Variants in CYP3A43 observed in about 807,000 individuals in gnomAD.
CYP3A43 encodes cytochrome P450 family 3 subfamily A member 43.
CYP3A43 carries 45 observed loss-of-function variants against 58.0 expected under a neutral mutation model. That is an observed-to-expected ratio of 0.78 (90% CI 0.61 to 0.99). The LOEUF is 0.99. CYP3A43 is among the 50% of genes least tolerant of loss of function. The pLI, the probability that CYP3A43 is intolerant of heterozygous loss-of-function variation, is 0.00. For synonymous variants in CYP3A43, 191 were observed against 201.4 expected (o/e 0.95, Z 0.44); for missense variants, 593 against 591.9 (o/e 1.00, Z -0.02).
Position 99,855,467 on chromosome 7 carries a change from C to T in CYP3A43, c.671-124C>T, listed in dbSNP as rs991548490. On this transcript the variant is annotated intron_variant, in intron 7 of 12. Coordinates refer to ENST00000354829, the MANE Select transcript of CYP3A43 (RefSeq NM_057095.3). ...TACAGGAAGAGGGGCAAAGGTCATA[C>T]AGGAAATGGATCCTGGTTGAGAACC... The T allele has an allele frequency of 7.1e-6, 9 of 1,263,890 alleles. No individual in the cohort carries two copies. The East Asian group carries it at 2.4e-4, about 33-fold the overall frequency. The allele number at this position is 1,263,890 out of a possible 1,614,324, so 78.3% of individuals were successfully genotyped here. A position where few individuals can be genotyped will look rare whatever the true frequency, so the allele number is the denominator to read the frequency against.
At position 99,859,483 on chromosome 7, in the gene CYP3A43, A is replaced by G. The variant is rs533990416; in HGVS notation, c.866-347A>G. ...GTTACTCCACGTTTACTTATAGATAAAGAACTTCTATGATTATCCAAGGGA... is the reference window on the plus strand; with the variant it reads ...GTTACTCCACGTTTACTTATAGATAGAGAACTTCTATGATTATCCAAGGGA... On this transcript the variant is annotated intron_variant, in intron 9 of 12. Transcript: ENST00000354829. 7.9e-5 allele frequency among the ~76,000 whole-genome samples: 12 copies of G among 152,326 alleles called. No individual in the cohort carries two copies. The South Asian group carries it at 2.5e-3, about 32-fold the overall frequency.
Position 99,851,416 on chromosome 7 carries a change from C to T in CYP3A43, c.670+1722C>T, listed in dbSNP as rs116433771. Among the ~76,000 whole-genome samples, 383 of 152,242 alleles carry T rather than the reference C, an allele frequency of 2.5e-3. 2 individuals are homozygous for T. The highest frequency in any genetic ancestry group is 7.5e-3 in the African/African-American group (311 of 41,530). On this transcript the variant is annotated intron_variant, in intron 7 of 12. Transcript: ENST00000354829. The stretch of plus-strand genomic sequence containing the variant: ...TCCCACAACAGCTGCACCATTTTAC[C>T]AGGAGCATATAATGGTTCTAATTTC...
chr7:99,844,680 C>T (rs759346800), intron 4 of CYP3A43, among the ~76,000 whole-genome samples: 2 of 152,008 alleles, frequency 1.3e-5, no homozygotes, highest in Admixed American at 6.6e-5. Context: ...TTCAGTGAGG[C>T]CAATTTATCC....
intron 11 of CYP3A43, 96 bp downstream of exon 11, chr7:99,861,935 C>A: frequency 9.0e-7 from 1 of 1,115,862 alleles, no homozygotes; most frequent in Non-Finnish European, 1.3e-6. Context: ...TGAATATGTG[C>A]CTTTTCATTT....
intron 3 of CYP3A43, among the ~76,000 whole-genome samples, chr7:99,843,008 C>G (rs1375247813): frequency 6.6e-6 from 1 of 152,208 alleles, no homozygotes; most frequent in East Asian, 1.9e-4. Context: ...TCCCTCCACC[C>G]AATCCAAGTT....
intron 3 of CYP3A43, among the ~76,000 whole-genome samples, chr7:99,840,485 G>A (rs911531290): frequency 1.3e-5 from 2 of 152,142 alleles, no homozygotes; most frequent in Non-Finnish European, 2.9e-5. Flanking sequence ...TATATCTCAT[G>A]TAAAATGTAG....
intron 4 of CYP3A43, among the ~76,000 whole-genome samples, chr7:99,845,817 C>T (rs1160115006): frequency 6.6e-6 from 1 of 151,680 alleles, no homozygotes; most frequent in Non-Finnish European, 1.5e-5. Context: ...GCTCTGTAGC[C>T]CAGGCTGGAG....
At position 99,849,544 on chromosome 7, in the gene CYP3A43, A is replaced by C; in HGVS notation, c.522-2A>C. ...TAATTTTCCATGTTTTACTCTACTC[A>C]GTTTCTTTGGGGCCTACACCATGGA... On this transcript the variant is annotated splice_acceptor_variant, in intron 6 of 12. Transcript: ENST00000354829. LOFTEE classifies it high-confidence loss of function. 2 of 1,592,164 alleles carry C rather than the reference A, an allele frequency of 1.3e-6. No individual in the cohort carries two copies. The highest frequency in any genetic ancestry group is 1.7e-6 in the Non-Finnish European group (2 of 1,174,578).
In CYP3A43 at chr7:99,863,573, C is replaced by T; in HGVS notation, c.1290C>T (p.Tyr430=). 2 of 1,613,170 alleles carry T rather than the reference C, an allele frequency of 1.2e-6. No homozygotes were observed. Among genetic ancestry groups the T allele is most frequent in the South Asian group, 1.1e-5 (1 of 90,812 alleles). The change falls in exon 12 of 13, where the codon TAC becomes TAT. Residue 430 remains tyrosine (Y), a synonymous_variant. Transcript: ENST00000354829. ...AGAACAAGGACAGCATAGATCTTTA[C>T]AGATACATACCTTTTGGAGCTGGAC... ...SKKNKDSIDL[Y]RYIPFGAGPR...
At chr7:99,853,256 GA>G in intron 7 of CYP3A43, among the ~76,000 whole-genome samples, 1 of 152,236 alleles carries the variant, frequency 6.6e-6, no homozygotes, top group African/African-American at 2.4e-5. Flanking sequence ...TTTGATTACT[GA>G]TTCAATGCCT....
At position 99,863,758 on chromosome 7, in the gene CYP3A43, C is replaced by T. The variant is rs899942338; in HGVS notation, c.1416+59C>T. 2.2e-6 allele frequency: 3 copies of T among 1,337,994 alleles called. No individual in the cohort carries two copies. The African/African-American group carries it at 4.5e-5, about 20-fold the overall frequency. 82.9% of individuals were successfully genotyped at this position (1,337,994 alleles called of 1,614,324 possible). A position where few individuals can be genotyped will look rare whatever the true frequency, so the allele number is the denominator to read the frequency against. ...GGAGTTTTTTAAACTGAGAAGTCTACATTTTTTAAAAATTATTGTTCATTT... is the reference window on the plus strand; with the variant it reads ...GGAGTTTTTTAAACTGAGAAGTCTATATTTTTTAAAAATTATTGTTCATTT... On this transcript the variant is annotated intron_variant, in intron 12 of 12. Transcript: ENST00000354829.
In CYP3A43 at chr7:99,833,789, C is replaced by A. The variant is rs181767485; in HGVS notation, c.72-2664C>A. Among the ~76,000 whole-genome samples the A allele has an allele frequency of 6.3e-4, 96 of 152,340 alleles. No individual in the cohort carries two copies. The East Asian group carries it at 0.018, about 28-fold the overall frequency. On this transcript the variant is annotated intron_variant, in intron 1 of 12. Transcript: ENST00000354829. The stretch of plus-strand genomic sequence containing the variant: ...AGCTGATATCTGGTTAATGCCACAA[C>A]TGTGCGGTAGCGTGTCAGGCTACTA...
At chr7:99,852,087 C>G (rs554923527) in intron 7 of CYP3A43, among the ~76,000 whole-genome samples, 4 of 152,324 alleles carry the variant, frequency 2.6e-5, no homozygotes, top group South Asian at 2.1e-4. Flanking sequence ...GATCATGACA[C>G]CTTCCTCAAA....
chr7:99,837,459 T>C (rs1030019054), intron 2 of CYP3A43, among the ~76,000 whole-genome samples: 9 of 152,214 alleles, frequency 5.9e-5, no homozygotes, highest in African/African-American at 2.2e-4. Flanking sequence ...ACAGTTGTGC[T>C]CCAGCTTCTT....
chr7:99,846,068 C>T (rs1010102269), intron 4 of CYP3A43, among the ~76,000 whole-genome samples: 6 of 152,162 alleles, frequency 3.9e-5, no homozygotes, highest in African/African-American at 4.8e-5. Flanking sequence ...TGAGCCACCA[C>T]GCCTGGCCCC....
At chr7:99,858,590 A>G (rs1199449929) in intron 9 of CYP3A43, among the ~76,000 whole-genome samples, 1 of 151,938 alleles carries the variant, frequency 6.6e-6, no homozygotes, top group African/African-American at 2.4e-5. Context: ...TATGAATTCC[A>G]CTCACTAGAC....
intron 8 of CYP3A43, 82 bp downstream of exon 8, chr7:99,855,800 T>C (rs969207271): frequency 1.4e-5 from 20 of 1,445,308 alleles, no homozygotes; most frequent in Non-Finnish European, 1.6e-5. Flanking sequence ...TGTGCACTTA[T>C]CTGTGTTTTT....
intron 2 of CYP3A43, among the ~76,000 whole-genome samples, chr7:99,837,524 C>T (rs1458092713): frequency 1.3e-5 from 2 of 152,100 alleles, no homozygotes; most frequent in African/African-American, 4.8e-5. Context: ...GTTCTGCTTT[C>T]CTGCTGCTTT....
In CYP3A43 at chr7:99,828,165, C is replaced by T; in HGVS notation, c.50C>T (p.Thr17Ile). The T allele has an allele frequency of 6.2e-7, 1 of 1,612,388 alleles. No homozygotes were observed. Among genetic ancestry groups the T allele is most frequent in the Non-Finnish European group, 8.5e-7 (1 of 1,179,094 alleles). Reference protein sequence around the residue: ...FAMETWVLVATSLVLLYIYGT... With the variant: ...FAMETWVLVAISLVLLYIYGT... Reference sequence around the variant, plus strand: ...ATGGAAACATGGGTTCTTGTGGCTACCAGCCTGGTACTCCTCTATATGTGA... The same window carrying T: ...ATGGAAACATGGGTTCTTGTGGCTATCAGCCTGGTACTCCTCTATATGTGA... The change falls in exon 1 of 13, where the codon ACC becomes ATC. Residue 17 changes from threonine (T) to isoleucine (I), a missense_variant. Physicochemically the swap from Thr to Ile is moderately conservative, Grantham distance 89. Coordinates refer to ENST00000354829, the MANE Select transcript of CYP3A43 (RefSeq NM_057095.3).
Sources: gnomAD v4.1 joint callset for allele counts (sites outside exome capture counted in the v4.1 genomes callset) on GRCh38, gnomAD v4.1.1 for gene constraint, MANE v1.5 for transcripts, NCBI Gene and HGNC (gene_info 2026-07-23, HGNC 2026-07-21) for gene names.